Variants in UEVLD observed in about 807,000 individuals in gnomAD.
UEVLD encodes the protein ubiquitin-conjugating enzyme E2 variant 3.
In UEVLD, 47 loss-of-function variants were observed where a neutral mutation model predicts 58.6. The observed-to-expected ratio is 0.80, with a 90% confidence interval of 0.63 to 1.02. The LOEUF (loss-of-function observed/expected upper bound fraction) is 1.02, where lower values mean the gene tolerates loss of function less well. UEVLD is among the 50% of genes least tolerant of loss of function. The probability of loss-of-function intolerance (pLI) is 0.00; values close to 1 mark genes in which losing one functional copy is unlikely to be tolerated. For synonymous variants in UEVLD, 197 were observed against 195.3 expected (o/e 1.01, Z -0.07); for missense variants, 510 against 550.6 (o/e 0.93, Z 0.74).
chr11:18,560,089 C>CCACACACACACACACACACACACA (rs1565125324), intron 6 of UEVLD, among the ~76,000 whole-genome samples: 1 of 34,176 alleles, frequency 2.9e-5, no homozygotes, highest in African/African-American at 7.5e-5. Flanking sequence ...AACCCCGTCT[C>CCACACACACACACACACACACACA]TACACACACA....
chr11:18,572,024 CAGG>C (rs1368344563), intron 3 of UEVLD, among the ~76,000 whole-genome samples: 3 of 151,848 alleles, frequency 2.0e-5, no homozygotes, highest in Non-Finnish European at 4.4e-5. Flanking sequence ...ATCACGAGAT[CAGG>C]AGATCAAGAC....
intron 4 of UEVLD, among the ~76,000 whole-genome samples, chr11:18,567,309 A>T (rs1852347771): frequency 6.6e-6 from 1 of 152,222 alleles, no homozygotes; most frequent in Admixed American, 6.5e-5. Context: ...GGTTGTTATG[A>T]GCAATAAATG....
intron 5 of UEVLD, among the ~76,000 whole-genome samples, 163 bp downstream of exon 5, chr11:18,566,184 C>T (rs999067653): frequency 6.6e-6 from 1 of 152,092 alleles, no homozygotes; most frequent in African/African-American, 2.4e-5. Flanking sequence ...CAGGAGTGAG[C>T]CACTGCGCCT....
intron 1 of UEVLD, among the ~76,000 whole-genome samples, chr11:18,582,775 C>T (rs1404246625): frequency 6.6e-6 from 1 of 152,158 alleles, no homozygotes; most frequent in Non-Finnish European, 1.5e-5. Flanking sequence ...TTAAAGGGTA[C>T]AGGTACTTCA....
intron 6 of UEVLD, among the ~76,000 whole-genome samples, chr11:18,561,452 C>G (rs1486425564): frequency 6.6e-6 from 1 of 151,748 alleles, no homozygotes; most frequent in Non-Finnish European, 1.5e-5. Flanking sequence ...CAAAAATTAA[C>G]CAGGCATGGT....
rs981809461 is a variant in UEVLD at position 18,540,026 on chromosome 11, A to G, written c.1061-3557T>C. Among the ~76,000 whole-genome samples, 3 of 152,164 alleles carry G rather than the reference A, an allele frequency of 2.0e-5. No homozygotes were observed. In the East Asian group the frequency reaches 5.8e-4, roughly 29 times the overall value. The stretch of plus-strand genomic sequence containing the variant: ...GTTTTTTGCCAATTTTCTATTCATC[A>G]CCATCTTGCCAATCACTGTAATAAT... On this transcript the variant is annotated intron_variant, in intron 9 of 11. Transcript: ENST00000396197.
chr11:18,542,890 C>CTTTTCT (rs1288736148), intron 9 of UEVLD, among the ~76,000 whole-genome samples: 1 of 125,902 alleles, frequency 7.9e-6, no homozygotes, highest in African/African-American at 2.9e-5. Flanking sequence ...CTTTTCTTTT[C>CTTTTCT]TTTTTTTTTT....
Position 18,532,245 on chromosome 11 carries a change from A to C in UEVLD, c.*75T>G. On this transcript the variant is annotated 3_prime_UTR_variant, in exon 12 of 12. Coordinates refer to ENST00000396197, the MANE Select transcript of UEVLD (RefSeq NM_001040697.4). Reference sequence around the variant, plus strand: ...TAAGTAGCAGGATACAGAAATCCTCAAACCTATATATAGGTAAAATTAAAT... The same window carrying C: ...TAAGTAGCAGGATACAGAAATCCTCCAACCTATATATAGGTAAAATTAAAT... The C allele has an allele frequency of 9.6e-6, 13 of 1,356,020 alleles. No individual in the cohort carries two copies. The highest frequency in any genetic ancestry group is 1.3e-5 in the Non-Finnish European group (13 of 1,019,756). 84.0% of individuals were successfully genotyped at this position (1,356,020 alleles called of 1,614,324 possible).
chr11:18,580,680 A>C (rs1250828711), intron 1 of UEVLD, among the ~76,000 whole-genome samples: 1 of 152,014 alleles, frequency 6.6e-6, no homozygotes, highest in Non-Finnish European at 1.5e-5. Flanking sequence ...TTAAAAATAA[A>C]AGAAATGAGA....
intron 7 of UEVLD, among the ~76,000 whole-genome samples, chr11:18,557,561 T>G (rs868006825): frequency 3.5e-4 from 51 of 145,884 alleles, no homozygotes; most frequent in African/African-American, 1.3e-3. Flanking sequence ...TTTTCTTTTT[T>G]TTTTTTTCAG....
At chr11:18,563,291 T>G (rs1461578024) in intron 6 of UEVLD, among the ~76,000 whole-genome samples, 2 of 151,942 alleles carry the variant, frequency 1.3e-5, no homozygotes, top group African/African-American at 4.8e-5. Flanking sequence ...TACTATTTTT[T>G]AAAATTATGT....
At chr11:18,559,671 C>T (rs1851919593) in intron 6 of UEVLD, among the ~76,000 whole-genome samples, 1 of 151,954 alleles carries the variant, frequency 6.6e-6, no homozygotes, top group South Asian at 2.1e-4. Context: ...AAAAATAATG[C>T]CAGCTTTTTC....
At chr11:18,578,421 C>T (rs1245183657) in intron 2 of UEVLD, among the ~76,000 whole-genome samples, 1 of 152,166 alleles carries the variant, frequency 6.6e-6, no homozygotes, top group Non-Finnish European at 1.5e-5. Context: ...CAAGTCAAAC[C>T]TCTAGTTTAC....
At chr11:18,578,868 AG>A (rs1853081495) in intron 1 of UEVLD, 60 bp from the exon 2 acceptor site, 1 of 1,311,060 alleles carries the variant, frequency 7.6e-7, no homozygotes, top group Non-Finnish European at 1.1e-6. Context: ...GAACAATTGC[AG>A]TTAACTTTTT....
rs1022501368 is a variant in UEVLD, at chr11:18,540,821, T to C, written c.1060+3802A>G. 5.9e-5 allele frequency among the ~76,000 whole-genome samples: 9 copies of C among 152,210 alleles called. No homozygotes were observed. In the East Asian group the frequency reaches 7.7e-4, roughly 13 times the overall value. On this transcript the variant is annotated intron_variant, in intron 9 of 11. Transcript: ENST00000396197. ...CCTCTCTCAGAGTACAGCCTTCCAGTCATTTCCAGTATTAGACTCAAAGTT... is the reference window on the plus strand; with the variant it reads ...CCTCTCTCAGAGTACAGCCTTCCAGCCATTTCCAGTATTAGACTCAAAGTT...
At chr11:18,574,611 A>G (rs1852804736) in intron 3 of UEVLD, among the ~76,000 whole-genome samples, 1 of 152,234 alleles carries the variant, frequency 6.6e-6, no homozygotes, top group Non-Finnish European at 1.5e-5. Flanking sequence ...AAAAATGGGA[A>G]GAGTTAAGTG....
intron 6 of UEVLD, chr11:18,563,602 A>C: frequency 7.0e-5 from 61 of 869,528 alleles, no homozygotes; most frequent in Non-Finnish European, 8.4e-5. Context: ...ATAAAATAAA[A>C]TAATGTATGA....
intron 9 of UEVLD, among the ~76,000 whole-genome samples, chr11:18,536,997 G>A (rs1490533453): frequency 4.1e-5 from 6 of 146,270 alleles, no homozygotes; most frequent in Admixed American, 1.4e-4. Context: ...CCGGGTTCAC[G>A]CAATTCTCAC....
intron 7 of UEVLD, among the ~76,000 whole-genome samples, chr11:18,556,412 C>T (rs955762971): frequency 1.1e-4 from 16 of 152,220 alleles, no homozygotes; most frequent in African/African-American, 3.9e-4. Flanking sequence ...CGAAGGCTTA[C>T]TAAAACTTTT....
Sources: allele counts gnomAD v4.1 joint callset (sites outside exome capture counted in the v4.1 genomes callset), GRCh38; gene constraint gnomAD v4.1.1; transcripts MANE v1.5; gene names NCBI Gene and HGNC (gene_info 2026-07-23, HGNC 2026-07-21).